The following KLHL11 variants were observed in gnomAD, a reference collection of about 807,000 sequenced individuals.
KLHL11 encodes kelch like family member 11.
Under a neutral mutation model 56.1 loss-of-function variants are expected in KLHL11, and 26 were observed. That is an observed-to-expected ratio of 0.46 (90% CI 0.34 to 0.64). KLHL11 has a LOEUF of 0.64. Among genes scored for constraint, KLHL11 ranks in the 30% least tolerant of loss-of-function variants. KLHL11 has a pLI of 0.01. For synonymous variants in KLHL11, 338 were observed against 345.8 expected (o/e 0.98, Z 0.25); for missense variants, 627 against 919.4 (o/e 0.68, Z 4.11).
rs782411001 is a variant in KLHL11, at chr17:41,854,681, G to A, written c.1186C>T (p.His396Tyr). The A allele has an allele frequency of 6.2e-7, 1 of 1,614,002 alleles. No individual in the cohort carries two copies. Among genetic ancestry groups the A allele is most frequent in the Non-Finnish European group, 8.5e-7 (1 of 1,180,054 alleles). Residue 396 changes from histidine (H) to tyrosine (Y), a missense_variant, in exon 2 of 2, where the codon CAC becomes TAC. Coordinates refer to ENST00000319121, the MANE Select transcript of KLHL11 (RefSeq NM_018143.3). This position sits in a 1 kb window ranked among gnomAD's most constrained non-coding sequence, Gnocchi z 4.9. The stretch of plus-strand genomic sequence containing the variant: ...ACTGCAACAGCATGTCCATCGAGGT[G>A]ATTATGAATATGTGGCAGATTTACC... The part of the protein sequence containing the change: ...RWVNLPHIHN[H>Y]LDGHAVAVTE...
At chr17:41,862,375 C>T (rs1555623122) in intron 1 of KLHL11, among the ~76,000 whole-genome samples, 1 of 151,998 alleles carries the variant, frequency 6.6e-6, no homozygotes, top group East Asian at 1.9e-4. Context: ...TGGGTTCACG[C>T]CATTCTCCTG....
chr17:41,856,133 G>T (rs373926863), intron 1 of KLHL11, among the ~76,000 whole-genome samples: 2 of 152,084 alleles, frequency 1.3e-5, no homozygotes, highest in African/African-American at 4.8e-5. Flanking sequence ...TGGGATTACA[G>T]GCGTGTGCCA....
chr17:41,854,261 C>T lies in KLHL11; in HGVS notation c.1606G>A (p.Asp536Asn), dbSNP rs1555622263. ...TCAATAAGCGGCAAAGATTCCACATCTTGCCACTGTCGAGTCTCTGTATCA... is the reference window on the plus strand; with the variant it reads ...TCAATAAGCGGCAAAGATTCCACATTTTGCCACTGTCGAGTCTCTGTATCA... The part of the protein sequence containing the change: ...CYDTETRQWQ[D>N]VESLPLIDNY... The change falls in exon 2 of 2, where the codon GAT becomes AAT. Residue 536 changes from aspartate (D) to asparagine (N), a missense_variant. Asp to Asn is a conservative substitution (Grantham distance 23). This residue lies in a region of KLHL11 where 250 missense variants were observed against 360.6 expected (regional missense o/e 0.69). Coordinates refer to ENST00000319121, the MANE Select transcript of KLHL11 (RefSeq NM_018143.3). The surrounding 1 kb of genome is among the most constrained non-coding windows in gnomAD (Gnocchi z 4.9). The T allele has an allele frequency of 6.2e-7, 1 of 1,614,194 alleles. No individual in the cohort carries two copies. The highest frequency in any genetic ancestry group is 1.7e-5 in the Admixed American group (1 of 60,018).
At chr17:41,856,456 C>T (rs559971942) in intron 1 of KLHL11, among the ~76,000 whole-genome samples, 30 of 152,092 alleles carry the variant, frequency 2.0e-4, no homozygotes, top group African/African-American at 6.3e-4. Flanking sequence ...GGTCACATTT[C>T]GAGAGCATCT....
chr17:41,861,515 A>C (rs1289897518), intron 1 of KLHL11, among the ~76,000 whole-genome samples: 1 of 151,924 alleles, frequency 6.6e-6, no homozygotes, highest in Non-Finnish European at 1.5e-5. Flanking sequence ...GTGAAACCCC[A>C]TCTCTACTAA....
chr17:41,854,318 C>T lies in KLHL11; in HGVS notation c.1549G>A (p.Glu517Lys). 1 of 1,614,196 alleles carries T rather than the reference C, an allele frequency of 6.2e-7. No homozygotes were observed. Among genetic ancestry groups the T allele is most frequent in the Non-Finnish European group, 8.5e-7 (1 of 1,180,024 alleles). Residue 517 changes from glutamate (E) to lysine (K), a missense_variant, in exon 2 of 2, where the codon GAA becomes AAA. Glu to Lys is a moderately conservative substitution (Grantham distance 56, BLOSUM62 1). Transcript: ENST00000319121. This position sits in a 1 kb window ranked among gnomAD's most constrained non-coding sequence, Gnocchi z 4.9. ...AARTPVDRDT[E>K]DGLKAVITCY... ...GTAATTACAGCCTTTAATCCATCTT[C>T]AGTGTCCCGGTCTACAGGAGTGCGG...
At chr17:41,862,439 A>ATTTT (rs35656663) in intron 1 of KLHL11, among the ~76,000 whole-genome samples, 5 of 145,352 alleles carry the variant, frequency 3.4e-5, no homozygotes, top group South Asian at 2.2e-4. Context: ...TGCCTGGCTA[A>ATTTT]TTTTTTTTTT....
rs1463290054 is a variant in KLHL11, at chr17:41,865,197, C to T, written c.174G>A (p.Glu58=). The T allele has an allele frequency of 3.1e-6, 5 of 1,608,860 alleles. No homozygotes were observed. The African/African-American group carries it at 5.4e-5, about 17-fold the overall frequency. Residue 58 remains glutamate (E), a synonymous_variant, in exon 1 of 2, where the codon GAG becomes GAA. Coordinates refer to ENST00000319121, the MANE Select transcript of KLHL11 (RefSeq NM_018143.3). ...CTGGGCCCGGATCGCCCCCGCTCGC[C>T]TCCATTGCAGAGATCCCCGGCCCAG... The part of the protein sequence containing the change: ...FGPGPGISAM[E]ASGGDPGPEA...
chr17:41,855,332 G>A lies in KLHL11; in HGVS notation c.546-11C>T. On this transcript the variant is annotated splice_polypyrimidine_tract_variant and intron_variant, in intron 1 of 1. Coordinates refer to ENST00000319121, the MANE Select transcript of KLHL11 (RefSeq NM_018143.3). ...CGAATGAGTAGGAACCTAAAATCAA[G>A]AAAAAGAGAAAAGATTAATTTTTCA... 6.7e-7 allele frequency: 1 copy of A among 1,503,096 alleles called. No individual in the cohort carries two copies. The highest frequency in any genetic ancestry group is 9.0e-7 in the Non-Finnish European group (1 of 1,114,830). The allele number at this position is 1,503,096 out of a possible 1,614,324, so 93.1% of individuals were successfully genotyped here.
rs782810736 is a variant in KLHL11 at position 41,854,595 on chromosome 17, T to A, written c.1272A>T (p.Glu424Asp). 1 of 1,614,250 alleles carries A rather than the reference T, an allele frequency of 6.2e-7. No homozygotes were observed. Among genetic ancestry groups the A allele is most frequent in the Non-Finnish European group, 8.5e-7 (1 of 1,180,044 alleles). ...SMEPGFAKTV[E>D]RYNPNLNTWE... ...ATGTATTCAAATTTGGGTTATACCT[T>A]TCTACAGTTTTAGCAAACCCTGGCT... Residue 424 changes from glutamate to aspartate, a missense_variant, in exon 2 of 2, where the codon GAA becomes GAT. Transcript: ENST00000319121. This position sits in a 1 kb window ranked among gnomAD's most constrained non-coding sequence, Gnocchi z 4.9.
At position 41,854,195 on chromosome 17, in the gene KLHL11, A is replaced by G. The variant is rs1458262120; in HGVS notation, c.1672T>C (p.Phe558Leu). ...GGACAACATGATGCTGTCTGATAAAAGTTTGAATTGACCACAGACATTTGG... is the reference window on the plus strand; with the variant it reads ...GGACAACATGATGCTGTCTGATAAAGGTTTGAATTGACCACAGACATTTGG... ...FFQMSVVNSN[F>L]YQTASCCPKS... The change falls in exon 2 of 2, where the codon TTT becomes CTT. Residue 558 changes from phenylalanine (F) to leucine (L), a missense_variant. By Grantham distance (22) the Phe-to-Leu change is conservative. Coordinates refer to ENST00000319121, the MANE Select transcript of KLHL11 (RefSeq NM_018143.3). This position sits in a 1 kb window ranked among gnomAD's most constrained non-coding sequence, Gnocchi z 4.9. The G allele has an allele frequency of 1.9e-6, 3 of 1,614,188 alleles. No homozygotes were observed. The highest frequency in any genetic ancestry group is 2.5e-6 in the Non-Finnish European group (3 of 1,180,028).
In KLHL11 at chr17:41,855,069, G is replaced by A. The variant is rs376806205; in HGVS notation, c.798C>T (p.Leu266=). Residue 266 remains leucine, a synonymous_variant, in exon 2 of 2, where the codon CTC becomes CTT. Coordinates refer to ENST00000319121, the MANE Select transcript of KLHL11 (RefSeq NM_018143.3). ...GAACCCATTTCAAAACGGTTTCAAA[G>A]AGAACCTCTTCAGAATCAACTGTAA... ...LEITVDSEEV[L]FETVLKWVQR... 17 of 1,614,054 alleles carry A rather than the reference G, an allele frequency of 1.1e-5. No individual in the cohort carries two copies. Among genetic ancestry groups the A allele is most frequent in the Admixed American group, 5.0e-5 (3 of 60,008 alleles).
In KLHL11 at chr17:41,858,985, ACGCCC is replaced by A. The variant is rs553672489; in HGVS notation, c.546-3669_546-3665del. Among the ~76,000 whole-genome samples the A allele has an allele frequency of 1.1e-4, 17 of 152,206 alleles. No individual in the cohort carries two copies. The South Asian group carries it at 3.5e-3, about 32-fold the overall frequency. On this transcript the variant is annotated intron_variant, in intron 1 of 1. Coordinates refer to ENST00000319121, the MANE Select transcript of KLHL11 (RefSeq NM_018143.3). Reference sequence around the variant, plus strand: ...TCTGCTCAGTCAGATATCAGAAGGAACGCCCCCCTTACTCAGATTTAGGCTTTCTG... The same window carrying A: ...TCTGCTCAGTCAGATATCAGAAGGAACCCTTACTCAGATTTAGGCTTTCTG...
At chr17:41,864,323 CCTT>C (rs1239919415) in intron 1 of KLHL11, among the ~76,000 whole-genome samples, 3 of 152,238 alleles carry the variant, frequency 2.0e-5, no homozygotes, top group Non-Finnish European at 4.4e-5. Context: ...TCTCACGCAT[CCTT>C]CTCCCCTTCA....
At chr17:41,858,110 G>A (rs1003146124) in intron 1 of KLHL11, among the ~76,000 whole-genome samples, 25 of 151,882 alleles carry the variant, frequency 1.6e-4, no homozygotes, top group Non-Finnish European at 3.1e-4. Flanking sequence ...GAGCCACCAC[G>A]CCCGGCCACA....
Position 41,864,864 on chromosome 17 carries a change from G to A in KLHL11, c.507C>T (p.Ser169=). Residue 169 remains serine (S), a synonymous_variant, in exon 1 of 2, where the codon AGC becomes AGT. Coordinates refer to ENST00000319121, the MANE Select transcript of KLHL11 (RefSeq NM_018143.3). ...CCAGCACCTCGTGCACGCTGCCCGT[G>A]CTGACGCGGATGCGCCCGGTGTACA... ...EYMYTGRIRV[S]TGSVHEVLEL... The A allele has an allele frequency of 6.4e-7, 1 of 1,567,916 alleles. No homozygotes were observed. Among genetic ancestry groups the A allele is most frequent in the Non-Finnish European group, 8.7e-7 (1 of 1,153,936 alleles).
In KLHL11 at chr17:41,860,548, G is replaced by C. The variant is rs111617303; in HGVS notation, c.545+4278C>G. ...TTAAGAGTTTTTAGTAAAATGCCCA[G>C]AGTATCGTCTCCTCTCCTCTAACTC... On this transcript the variant is annotated intron_variant, in intron 1 of 1. Transcript: ENST00000319121. Among the ~76,000 whole-genome samples the C allele has an allele frequency of 1.8e-4, 28 of 152,246 alleles. 1 individual carries two copies. Among genetic ancestry groups the C allele is most frequent in the African/African-American group, 6.3e-4 (26 of 41,542 alleles).
At chr17:41,857,139 T>C (rs1555622627) in intron 1 of KLHL11, among the ~76,000 whole-genome samples, 1 of 151,984 alleles carries the variant, frequency 6.6e-6, no homozygotes, top group Non-Finnish European at 1.5e-5. Flanking sequence ...AAGGCTGCAG[T>C]AAGCTATAAT....
At chr17:41,856,010 A>G (rs1473583189) in intron 1 of KLHL11, among the ~76,000 whole-genome samples, 1 of 147,602 alleles carries the variant, frequency 6.8e-6, no homozygotes, top group Admixed American at 6.8e-5. Flanking sequence ...AACTCCAAAA[A>G]AACAGAGTCT....
Sources: gnomAD v4.1 joint callset for allele counts (sites outside exome capture counted in the v4.1 genomes callset) on GRCh38, gnomAD v4.1.1 for gene constraint, gnomAD v4.1.1 regional missense constraint, Gnocchi (gnomAD v3.1) non-coding constraint, MANE v1.5 for transcripts, NCBI Gene and HGNC (gene_info 2026-07-23, HGNC 2026-07-21) for gene names.